Variants in PIEZO2 observed in about 807,000 individuals in gnomAD.
PIEZO2 encodes the protein piezo-type mechanosensitive ion channel component 2.
A neutral mutation model predicts 337.3 loss-of-function variants in PIEZO2; 172 were observed. That is an observed-to-expected ratio of 0.51 (90% confidence interval 0.45 to 0.58). The LOEUF is 0.58. Among genes scored for constraint, PIEZO2 ranks in the 20% least tolerant of loss-of-function variants. The pLI, the probability that PIEZO2 is intolerant of heterozygous loss-of-function variation, is 0.00. For missense variants in PIEZO2, 3,028 were observed against 3,391.3 expected, an observed-to-expected ratio of 0.89 and a Z score of 2.66; for synonymous variants, 1,251 against 1,228.5, an observed-to-expected ratio of 1.02 and a Z score of -0.38.
chr18:10,809,196 C>A (rs1339197910), intron 7 of PIEZO2, among the ~76,000 whole-genome samples: 1 of 148,386 alleles, frequency 6.7e-6, no homozygotes, highest in African/African-American at 2.5e-5. Flanking sequence ...TTGTCTCCTA[C>A]AGGAACGTTT....
chr18:10,791,353 A>G, intron 13 of PIEZO2, 29 bp from the exon 14 acceptor site: 1 of 1,470,094 alleles, frequency 6.8e-7, no homozygotes, highest in Non-Finnish European at 9.0e-7. Flanking sequence ...CAAAACAAGA[A>G]TTAAGCAACC....
intron 4 of PIEZO2, among the ~76,000 whole-genome samples, chr18:10,880,181 C>CAAAGTAAT (rs1210831465): frequency 1.3e-5 from 2 of 151,930 alleles, no homozygotes; most frequent in African/African-American, 4.8e-5. Context: ...ATGAAAGATA[C>CAAAGTAAT]TACACCAATT....
chr18:11,003,738 T>C lies in PIEZO2; in HGVS notation c.161-24078A>G, dbSNP rs1435728821. On this transcript the variant is annotated intron_variant, in intron 2 of 55. Coordinates refer to ENST00000674853, the MANE Select transcript of PIEZO2 (RefSeq NM_001378183.1). This position sits in a 1 kb window ranked among gnomAD's most constrained non-coding sequence, Gnocchi z 4.6. ...CACCAATTTACCTAACATGTCCAGC[T>C]CTGGGACGTGGGAGGAAACCAGAGT... 6.6e-6 allele frequency among the ~76,000 whole-genome samples: 1 copy of C among 152,130 alleles called. No individual in the cohort carries two copies. The highest frequency in any genetic ancestry group is 1.5e-5 in the Non-Finnish European group (1 of 68,022).
chr18:11,145,665 G>C (rs1368943947), intron 1 of PIEZO2, among the ~76,000 whole-genome samples: 1 of 152,178 alleles, frequency 6.6e-6, no homozygotes, highest in Non-Finnish European at 1.5e-5. Context: ...AGGCAGACCA[G>C]AACCCTCCAA....
rs1397198844 is a variant in PIEZO2, at chr18:10,794,624, A to G, written c.1758+148T>C. Reference sequence around the variant, plus strand: ...ATTATAGAGGCCTCTAAGCACCGCAAACTGTTTCTTACAGTCTCATGTTTG... The same window carrying G: ...ATTATAGAGGCCTCTAAGCACCGCAGACTGTTTCTTACAGTCTCATGTTTG... On this transcript the variant is annotated intron_variant, in intron 13 of 55. Coordinates refer to ENST00000674853, the MANE Select transcript of PIEZO2 (RefSeq NM_001378183.1). This position sits in a 1 kb window ranked among gnomAD's most constrained non-coding sequence, Gnocchi z 6.6. 3.0e-6 allele frequency: 2 copies of G among 671,902 alleles called. No homozygotes were observed. The highest frequency in any genetic ancestry group is 1.8e-5 in the African/African-American group (1 of 55,110). 41.6% of individuals were successfully genotyped at this position (671,902 alleles called of 1,614,324 possible). A position where few individuals can be genotyped will look rare whatever the true frequency, so the allele number is the denominator to read the frequency against.
Position 11,066,170 on chromosome 18 carries a change from C to T in PIEZO2, c.117G>A (p.Leu39=). The change falls in exon 2 of 56, where the codon TTG becomes TTA. Residue 39 remains leucine, a synonymous_variant. Coordinates refer to ENST00000674853, the MANE Select transcript of PIEZO2 (RefSeq NM_001378183.1). ...TTGGTTCTGAGAACAGAGGAATGAGCAAGAGGTAGATAAGGTAGACAAAGG... is the reference window on the plus strand; with the variant it reads ...TTGGTTCTGAGAACAGAGGAATGAGTAAGAGGTAGATAAGGTAGACAAAGG... ...GLSFVYLIYL[L]LIPLFSEPTK... 6.5e-7 allele frequency: 1 copy of T among 1,536,780 alleles called. No homozygotes were observed. Among genetic ancestry groups the T allele is most frequent in the Non-Finnish European group, 8.7e-7 (1 of 1,146,662 alleles).
intron 2 of PIEZO2, among the ~76,000 whole-genome samples, chr18:10,986,452 A>G (rs963842440): frequency 2.0e-5 from 3 of 152,088 alleles, no homozygotes; most frequent in South Asian, 4.1e-4. Flanking sequence ...TATAAATGTT[A>G]TACACCACAT....
At chr18:10,737,238 T>G (rs1409925954) in intron 33 of PIEZO2, among the ~76,000 whole-genome samples, 1 of 147,318 alleles carries the variant, frequency 6.8e-6, no homozygotes, top group African/African-American at 2.6e-5. Flanking sequence ...CAGACCTGAC[T>G]TCTCCACATG....
chr18:10,833,232 C>T lies in PIEZO2; in HGVS notation c.917+22121G>A, dbSNP rs1054298453. On this transcript the variant is annotated intron_variant, in intron 7 of 55. Coordinates refer to ENST00000674853, the MANE Select transcript of PIEZO2 (RefSeq NM_001378183.1). This position sits in a 1 kb window ranked among gnomAD's most constrained non-coding sequence, Gnocchi z 4.7. ...ATGGTTGAGGGCTCAGAGACAGAAG[C>T]CCAGGGTAACAGGTACCCTGGGTGC... 6.6e-6 allele frequency among the ~76,000 whole-genome samples: 1 copy of T among 152,138 alleles called. No individual in the cohort carries two copies. The highest frequency in any genetic ancestry group is 1.5e-5 in the Non-Finnish European group (1 of 68,014).
At chr18:11,057,191 T>C (rs888385244) in intron 2 of PIEZO2, among the ~76,000 whole-genome samples, 17 of 152,236 alleles carry the variant, frequency 1.1e-4, no homozygotes, top group Admixed American at 4.6e-4. Context: ...ATGCTGCCCC[T>C]TTGGCTCCCC....
Position 10,748,663 on chromosome 18 carries a change from T to C in PIEZO2, c.4265-33A>G. On this transcript the variant is annotated intron_variant, in intron 29 of 55. Coordinates refer to ENST00000674853, the MANE Select transcript of PIEZO2 (RefSeq NM_001378183.1). This position sits in a 1 kb window ranked among gnomAD's most constrained non-coding sequence, Gnocchi z 5.1. ...AACAGTAGAAAAACACACATTAAAA[T>C]TAACATCCATTTTCATTGTAATTTT... The C allele has an allele frequency of 7.2e-7, 1 of 1,398,538 alleles. No individual in the cohort carries two copies. The highest frequency in any genetic ancestry group is 9.3e-7 in the Non-Finnish European group (1 of 1,076,078). The allele number at this position is 1,398,538 out of a possible 1,614,324, so 86.6% of individuals were successfully genotyped here.
intron 1 of PIEZO2, among the ~76,000 whole-genome samples, chr18:11,075,786 CT>C (rs147029235): frequency 0.046 from 5,770 of 125,146 alleles, 199 homozygotes; most frequent in African/African-American, 0.16. Flanking sequence ...AGATATATTT[CT>C]TTTTTTTTTT....
rs570734457 is a variant in PIEZO2, at chr18:11,097,805, A to C, written c.65-31583T>G. The stretch of plus-strand genomic sequence containing the variant: ...TTCCTAAATCAGAAAAAGTCTACCC[A>C]CTGGGCTGTTTTCTAAAGACTTCTG... On this transcript the variant is annotated intron_variant, in intron 1 of 55. Coordinates refer to ENST00000674853, the MANE Select transcript of PIEZO2 (RefSeq NM_001378183.1). This position sits in a 1 kb window ranked among gnomAD's most constrained non-coding sequence, Gnocchi z 5.0. Among the ~76,000 whole-genome samples the C allele has an allele frequency of 9.2e-5, 14 of 152,314 alleles. No individual in the cohort carries two copies. Among genetic ancestry groups the C allele is most frequent in the African/African-American group, 3.1e-4 (13 of 41,576 alleles).
At chr18:11,055,454 GA>G (rs2037696570) in intron 2 of PIEZO2, among the ~76,000 whole-genome samples, 1 of 152,140 alleles carries the variant, frequency 6.6e-6, no homozygotes, top group South Asian at 2.1e-4. Context: ...TTAAGGGGGT[GA>G]GGGAAGAGGT....
At chr18:10,914,873 A>C (rs10502402) in intron 3 of PIEZO2, among the ~76,000 whole-genome samples, 17 of 139,268 alleles carry the variant, frequency 1.2e-4, no homozygotes, top group Admixed American at 7.2e-5. Flanking sequence ...AGCAGGTCCC[A>C]ATGTCTACCA....
intron 1 of PIEZO2, among the ~76,000 whole-genome samples, chr18:11,076,408 A>G (rs2038546625): frequency 6.6e-6 from 1 of 152,204 alleles, no homozygotes; most frequent in African/African-American, 2.4e-5. Context: ...AAATTTTGAA[A>G]CCAATCTAAG....
intron 39 of PIEZO2, chr18:10,709,656 C>G (rs1276200178): frequency 1.3e-5 from 2 of 152,256 alleles, no homozygotes; most frequent in African/African-American, 4.8e-5. Context: ...CCACTGCAAG[C>G]CTGGGAGGAG....
chr18:11,041,003 C>G (rs1431495027), intron 2 of PIEZO2, among the ~76,000 whole-genome samples: 2 of 152,146 alleles, frequency 1.3e-5, no homozygotes, highest in Non-Finnish European at 2.9e-5. Context: ...TTCTACAAAA[C>G]AGCTCCCTCT....
chr18:10,891,073 C>CTA (rs1410690635), intron 4 of PIEZO2, among the ~76,000 whole-genome samples: 1 of 152,076 alleles, frequency 6.6e-6, no homozygotes, highest in East Asian at 1.9e-4. Flanking sequence ...TGGCTCACGC[C>CTA]TATAATCCCA....
Sources: gnomAD v4.1 joint callset for allele counts (sites outside exome capture counted in the v4.1 genomes callset) on GRCh38, gnomAD v4.1.1 for gene constraint, Gnocchi (gnomAD v3.1) non-coding constraint, MANE v1.5 for transcripts, NCBI Gene and HGNC (gene_info 2026-07-23, HGNC 2026-07-21) for gene names.